The following BAHD1 variants were observed in gnomAD, a reference collection of about 807,000 sequenced individuals.
BAHD1 encodes the protein bromo adjacent homology domain-containing 1 protein.
Under a neutral mutation model 63.1 loss-of-function variants are expected in BAHD1, and 20 were observed. The observed-to-expected ratio is 0.32, with a 90% CI of 0.22 to 0.46. The LOEUF is 0.46. Ranked by LOEUF, BAHD1 falls within the 20% of genes least tolerant of loss-of-function variation. The pLI, the probability that BAHD1 is intolerant of heterozygous loss-of-function variation, is 1.00. For missense variants in BAHD1, 939 were observed against 1,071.8 expected (o/e 0.88, Z 1.73); for synonymous variants, 408 against 426.8 (o/e 0.96, Z 0.54).
At position 40,454,656 on chromosome 15, in the gene BAHD1, C is replaced by G. The variant is rs181529954; in HGVS notation, c.-14-3795C>G. The G allele has an allele frequency of 1.2e-4, 18 of 152,284 alleles. No homozygotes were observed. In the East Asian group the frequency reaches 3.3e-3, roughly 28 times the overall value. 9.4% of individuals were successfully genotyped at this position (152,284 alleles called of 1,614,324 possible). On this transcript the variant is annotated intron_variant, in intron 1 of 6. Coordinates refer to ENST00000416165, the MANE Select transcript of BAHD1 (RefSeq NM_014952.5). ...ACATCTTTTAGTGTCAGGAAAGTGT[C>G]CTGGGAATCCCTCCTAGAGACCTTC...
rs1486893541 is a variant in BAHD1, at chr15:40,458,083, T to A, written c.-14-368T>A. On this transcript the variant is annotated intron_variant, in intron 1 of 6. Transcript: ENST00000416165. The surrounding 1 kb of genome is among the most constrained non-coding windows in gnomAD (Gnocchi z 4.7). The stretch of plus-strand genomic sequence containing the variant: ...TGGGAGGCTCTGTCTTCAGAGCCTC[T>A]TCCTATCCTGTGATGAATATCTAGT... Among the ~76,000 whole-genome samples the A allele has an allele frequency of 6.6e-6, 1 of 152,182 alleles. No individual in the cohort carries two copies. Among genetic ancestry groups the A allele is most frequent in the East Asian group, 1.9e-4 (1 of 5,188 alleles).
chr15:40,460,210 G>A (rs140258665), intron 2 of BAHD1, among the ~76,000 whole-genome samples: 74 of 152,252 alleles, frequency 4.9e-4, no homozygotes, highest in African/African-American at 1.6e-3. Context: ...TGGGATACCC[G>A]TTCTTAGACT....
In BAHD1 at chr15:40,459,946, A is replaced by G. The variant is rs182865888; in HGVS notation, c.1432+50A>G. 6.6e-4 allele frequency: 1,005 copies of G among 1,517,624 alleles called. 2 individuals carry two copies. Among genetic ancestry groups the G allele is most frequent in the Non-Finnish European group, 7.1e-4 (813 of 1,137,066 alleles). The allele number at this position is 1,517,624 out of a possible 1,614,324, so 94.0% of individuals were successfully genotyped here. A position where few individuals can be genotyped will look rare whatever the true frequency, so the allele number is the denominator to read the frequency against. On this transcript the variant is annotated intron_variant, in intron 2 of 6. Coordinates refer to ENST00000416165, the MANE Select transcript of BAHD1 (RefSeq NM_014952.5). The stretch of plus-strand genomic sequence containing the variant: ...TACTGGGGAGTCTCGGAGACATGGC[A>G]TCCCAGGAGGTTGGGCTGTTGATCT...
upstream of BAHD1, among the ~76,000 whole-genome samples, chr15:40,438,928 C>T (rs879515216): frequency 2.0e-5 from 3 of 152,232 alleles, no homozygotes; most frequent in Non-Finnish European, 2.9e-5. Context: ...GGCTCTGCCC[C>T]CGTGGCCACC....
At chr15:40,450,472 C>T (rs2037719147) in intron 1 of BAHD1, among the ~76,000 whole-genome samples, 1 of 152,210 alleles carries the variant, frequency 6.6e-6, no homozygotes. Flanking sequence ...AACACTCGTT[C>T]TTTGCCATTC....
chr15:40,456,060 C>T (rs1388793613), intron 1 of BAHD1, among the ~76,000 whole-genome samples: 2 of 152,220 alleles, frequency 1.3e-5, no homozygotes, highest in African/African-American at 2.4e-5. Context: ...GCAACCTCCA[C>T]CTCCTGGGTT....
Position 40,466,006 on chromosome 15 carries a change from C to T in BAHD1, c.2219C>T (p.Pro740Leu), listed in dbSNP as rs764123141. The T allele has an allele frequency of 4.3e-6, 7 of 1,613,554 alleles. No homozygotes were observed. Among genetic ancestry groups the T allele is most frequent in the East Asian group, 2.2e-5 (1 of 44,838 alleles). Residue 740 changes from proline to leucine, a missense_variant, in exon 7 of 7, where the codon CCC becomes CTC. Coordinates refer to ENST00000416165, the MANE Select transcript of BAHD1 (RefSeq NM_014952.5). ...AGCCGAAAGACAGCACTGGTTCCCC[C>T]CTCTGCAGACTATTCCACCCCACCC... The part of the protein sequence containing the change: ...LPSRKTALVP[P>L]SADYSTPPHR...
intron 1 of BAHD1, among the ~76,000 whole-genome samples, chr15:40,447,883 T>C (rs1893588802): frequency 6.6e-6 from 1 of 152,316 alleles, no homozygotes; most frequent in East Asian, 1.9e-4. Flanking sequence ...AACGTATCTT[T>C]GAAGCTCTCT....
At position 40,459,491 on chromosome 15, in the gene BAHD1, C is replaced by T. The variant is rs1276644181; in HGVS notation, c.1027C>T (p.His343Tyr). Reference protein sequence around the residue: ...EESPAPKQELHQPSFPTPQLS... With the variant: ...EESPAPKQELYQPSFPTPQLS... ...GTCACCTGCCCCTAAGCAGGAACTG[C>T]ATCAGCCCTCTTTCCCCACACCTCA... Residue 343 changes from histidine (H) to tyrosine (Y), a missense_variant, in exon 2 of 7, where the codon CAT becomes TAT. By Grantham distance (83) the His-to-Tyr change is moderately conservative (BLOSUM62 2). Around this residue, in one of 5 missense-constraint regions of BAHD1, gnomAD observed 797 missense variants for 813.3 expected, o/e 0.98. Transcript: ENST00000416165. The T allele has an allele frequency of 6.8e-6, 11 of 1,613,828 alleles. No individual in the cohort carries two copies. Among genetic ancestry groups the T allele is most frequent in the Middle Eastern group, 1.6e-4 (1 of 6,080 alleles).
At chr15:40,463,501 C>T (rs144977561) in intron 3 of BAHD1, among the ~76,000 whole-genome samples, 2 of 152,282 alleles carry the variant, frequency 1.3e-5, no homozygotes, top group Non-Finnish European at 2.9e-5. Context: ...AATAATTTGT[C>T]AAAGGCTGTG....
chr15:40,443,074 A>G (rs1467011964), intron 1 of BAHD1, among the ~76,000 whole-genome samples: 1 of 152,262 alleles, frequency 6.6e-6, no homozygotes, highest in African/African-American at 2.4e-5. Flanking sequence ...AGTTGGGATC[A>G]TAAGGACAGG....
In BAHD1 at chr15:40,459,089, G is replaced by T; in HGVS notation, c.625G>T (p.Ala209Ser). 1 of 1,612,772 alleles carries T rather than the reference G, an allele frequency of 6.2e-7. No homozygotes were observed. The highest frequency in any genetic ancestry group is 1.3e-5 in the African/African-American group (1 of 75,040). Residue 209 changes from alanine to serine, a missense_variant, in exon 2 of 7, where the codon GCA (alanine) becomes TCA (serine). Around this residue, in one of 5 missense-constraint regions of BAHD1, gnomAD observed 797 missense variants for 813.3 expected, o/e 0.98. Coordinates refer to ENST00000416165, the MANE Select transcript of BAHD1 (RefSeq NM_014952.5). ...TCCCAAGAGACTGGCTAGCCTGAAC[G>T]CAGCTGCTTTCCTAAAACTGAGCCA... ...PAPKRLASLN[A>S]AAFLKLSQER...
chr15:40,457,850 A>G (rs1053953924), intron 1 of BAHD1, among the ~76,000 whole-genome samples: 1 of 152,188 alleles, frequency 6.6e-6, no homozygotes, highest in Non-Finnish European at 1.5e-5. Context: ...TCTACTAAAA[A>G]TACAAAAGAA....
intron 4 of BAHD1, 85 bp downstream of exon 4, chr15:40,464,105 G>T: frequency 6.8e-7 from 1 of 1,465,214 alleles, no homozygotes; most frequent in South Asian, 1.3e-5. Flanking sequence ...CCTGGAGTTT[G>T]ACCTGGCGTG....
intron 1 of BAHD1, among the ~76,000 whole-genome samples, chr15:40,447,642 T>C (rs542696291): frequency 6.6e-6 from 1 of 151,968 alleles, no homozygotes; most frequent in Non-Finnish European, 1.5e-5. Flanking sequence ...AACTGAGAGA[T>C]GATTTCCAGA....
chr15:40,466,232 A>C lies in BAHD1; in HGVS notation c.*102A>C. 6 of 785,844 alleles carry C rather than the reference A, an allele frequency of 7.6e-6. No individual in the cohort carries two copies. The highest frequency in any genetic ancestry group is 4.9e-5 in the East Asian group (1 of 20,554). The allele number at this position is 785,844 out of a possible 1,614,324, so 48.7% of individuals were successfully genotyped here. ...TTGGTTAGGGGGCCACAGAGGCCTA[A>C]GTTTGCTGGCCTGTGGTTTTCTTGG... On this transcript the variant is annotated 3_prime_UTR_variant, in exon 7 of 7. Transcript: ENST00000416165.
rs767184845 is a variant in BAHD1, at chr15:40,461,945, C to T, written c.1466C>T (p.Pro489Leu). 2.5e-6 allele frequency: 4 copies of T among 1,607,636 alleles called. No homozygotes were observed. In the African/African-American group the frequency reaches 5.3e-5, roughly 21 times the overall value. ...GCRSLGQLEFPLPEAGHPASP... is the reference protein window; with the variant it reads ...GCRSLGQLEFLLPEAGHPASP... Reference sequence around the variant, plus strand: ...AGATCCCTGGGCCAGTTGGAATTTCCTCTCCCGGAAGCTGGCCACCCAGCC... The same window carrying T: ...AGATCCCTGGGCCAGTTGGAATTTCTTCTCCCGGAAGCTGGCCACCCAGCC... Residue 489 changes from proline to leucine, a missense_variant, in exon 3 of 7, where the codon CCT becomes CTT. Physicochemically the swap from Pro to Leu is moderately conservative, Grantham distance 98. Around this residue, in one of 5 missense-constraint regions of BAHD1, gnomAD observed 797 missense variants for 813.3 expected, o/e 0.98. Coordinates refer to ENST00000416165, the MANE Select transcript of BAHD1 (RefSeq NM_014952.5).
rs1448741422 is a variant in BAHD1, at chr15:40,466,173, C to A, written c.*43C>A. The A allele has an allele frequency of 6.3e-7, 1 of 1,586,568 alleles. No homozygotes were observed. The highest frequency in any genetic ancestry group is 2.2e-5 in the East Asian group (1 of 44,640). On this transcript the variant is annotated 3_prime_UTR_variant, in exon 7 of 7. Transcript: ENST00000416165. The stretch of plus-strand genomic sequence containing the variant: ...TGGGGCTACCCATGGGCAAGTGGGG[C>A]TCGGGGTAGGGGGCACTGCTTGAAG...
chr15:40,453,927 T>G (rs779558742), intron 1 of BAHD1: 1 of 152,150 alleles, frequency 6.6e-6, no homozygotes, highest in Non-Finnish European at 1.5e-5. Context: ...GATCCATGAT[T>G]GCGCCACTGC....
Sources: allele counts gnomAD v4.1 joint callset (sites outside exome capture counted in the v4.1 genomes callset), GRCh38; gene constraint gnomAD v4.1.1; regional missense constraint gnomAD v4.1.1; non-coding constraint Gnocchi (gnomAD v3.1); transcripts MANE v1.5; gene names NCBI Gene and HGNC (gene_info 2026-07-23, HGNC 2026-07-21).